Variants in ZNF98 observed in about 807,000 individuals in gnomAD.
ZNF98 encodes zinc finger protein 98, also known as zinc finger protein 739.
ZNF98 carries 8 observed loss-of-function variants against 12.8 expected under a neutral mutation model. The observed-to-expected ratio is 0.63, with a 90% CI of 0.37 to 1.13. The LOEUF (loss-of-function observed/expected upper bound fraction) is 1.13. Among genes scored for constraint, ZNF98 ranks in the 50% most tolerant of loss-of-function variants. ZNF98 has a pLI of 0.01. For missense variants in ZNF98, 379 were observed against 666.1 expected (o/e 0.57, Z 4.74); for synonymous variants, 112 against 223.5 (o/e 0.50, Z 4.45).
At chr19:22,394,296 G>C (rs892355969) in intron 3 of ZNF98, among the ~76,000 whole-genome samples, 1 of 150,060 alleles carries the variant, frequency 6.7e-6, no homozygotes. Flanking sequence ...CAAGGATCTA[G>C]AACTAGAAAT....
intron 1 of ZNF98, among the ~76,000 whole-genome samples, chr19:22,415,787 AAAAAT>A (rs1025608362): frequency 5.3e-5 from 8 of 151,840 alleles, no homozygotes; most frequent in East Asian, 1.9e-4. Flanking sequence ...ACCTGTCTTC[AAAAAT>A]AAAATAAAAT....
chr19:22,400,778 C>T (rs918117676), intron 3 of ZNF98, among the ~76,000 whole-genome samples: 2 of 151,242 alleles, frequency 1.3e-5, no homozygotes, highest in Admixed American at 6.6e-5. Context: ...CATGGTGAAA[C>T]CCCATCTCTA....
At chr19:22,393,020 G>T in intron 3 of ZNF98, 39 bp from the exon 4 acceptor site, 1 of 1,436,080 alleles carries the variant, frequency 7.0e-7, no homozygotes, top group South Asian at 1.7e-5. Flanking sequence ...TCACTTACTA[G>T]ACTCAGATGA....
intron 3 of ZNF98, among the ~76,000 whole-genome samples, chr19:22,401,628 C>T (rs901492990): frequency 1.6e-4 from 25 of 151,534 alleles, no homozygotes; most frequent in Non-Finnish European, 2.8e-4. Flanking sequence ...GAATTACAGG[C>T]GCCTGTCACC....
At chr19:22,405,107 G>T (rs553021724) in intron 1 of ZNF98, among the ~76,000 whole-genome samples, 1 of 152,152 alleles carries the variant, frequency 6.6e-6, no homozygotes, top group South Asian at 2.1e-4. Flanking sequence ...ATATAGGAAA[G>T]AAATATTTTT....
intron 1 of ZNF98, among the ~76,000 whole-genome samples, chr19:22,416,205 T>C (rs927805123): frequency 9.9e-5 from 15 of 151,168 alleles, no homozygotes. Context: ...GCGTGGTGGC[T>C]CACACCTGTA....
rs768987284 is a variant in ZNF98 at position 22,392,074 on chromosome 19, A to G, written c.1161T>C (p.Phe387=). ...GTGTAGTAAGGGTTGAGGATTGTTT[A>G]AAAGCTTTGCCACATTCTTCACACT... ...PYKCEECGKA[F]KQSSTLTTHK... The change falls in exon 4 of 4, where the codon TTT becomes TTC. Residue 387 remains phenylalanine, a synonymous_variant. Coordinates refer to ENST00000357774, the MANE Select transcript of ZNF98 (RefSeq NM_001098626.2). 2.5e-6 allele frequency: 4 copies of G among 1,579,292 alleles called. No individual in the cohort carries two copies. Among genetic ancestry groups the G allele is most frequent in the Non-Finnish European group, 3.4e-6 (4 of 1,164,134 alleles).
intron 3 of ZNF98, among the ~76,000 whole-genome samples, chr19:22,394,746 A>G (rs1004282909): frequency 2.6e-5 from 4 of 152,148 alleles, no homozygotes; most frequent in African/African-American, 9.7e-5. Context: ...TACCTATGTA[A>G]CATAACTGCA....
Position 22,419,462 on chromosome 19 carries a change from C to G in ZNF98, c.30+2733G>C, listed in dbSNP as rs1969680709. ...AAAAACTAATTGGGCCGTTAATAAC[C>G]TTCTTTTGTAGGCTCAATATTAATT... On this transcript the variant is annotated intron_variant, in intron 1 of 3. Transcript: ENST00000357774. 3.3e-5 allele frequency among the ~76,000 whole-genome samples: 5 copies of G among 152,212 alleles called. No individual in the cohort carries two copies. In the South Asian group the frequency reaches 1.0e-3, roughly 32 times the overall value.
chr19:22,399,387 A>G (rs1394438548), intron 3 of ZNF98, among the ~76,000 whole-genome samples: 1 of 152,206 alleles, frequency 6.6e-6, no homozygotes, highest in Non-Finnish European at 1.5e-5. Context: ...TTTTAAATAT[A>G]TGCTATTCTT....
Position 22,392,921 on chromosome 19 carries a change from T to G in ZNF98, c.314A>C (p.Gln105Pro), listed in dbSNP as rs777353664. The G allele has an allele frequency of 2.6e-5, 41 of 1,585,710 alleles. No individual in the cohort carries two copies. Among genetic ancestry groups the G allele is most frequent in the Non-Finnish European group, 3.3e-5 (39 of 1,170,748 alleles). Residue 105 changes from glutamine (Q) to proline (P), a missense_variant, in exon 4 of 4, where the codon CAA (glutamine) becomes CCA (proline). Physicochemically the swap from Gln to Pro is moderately conservative, Grantham distance 76. Coordinates refer to ENST00000357774, the MANE Select transcript of ZNF98 (RefSeq NM_001098626.2). ...WPKQGKKNYF[Q>P]KVILRTYKKC... ...TTTATATGTTCTCAGTATCACTTTT[T>G]GGAAATAATTTTTTTTGCCCTGCTT... is the stretch of plus-strand genomic sequence containing the variant.
At position 22,392,425 on chromosome 19, in the gene ZNF98, C is replaced by T. The variant is rs1331878250; in HGVS notation, c.810G>A (p.Glu270=). The T allele has an allele frequency of 6.6e-7, 1 of 1,521,294 alleles. No homozygotes were observed. The highest frequency in any genetic ancestry group is 8.8e-7 in the Non-Finnish European group (1 of 1,136,728). 94.2% of individuals were successfully genotyped at this position (1,521,294 alleles called of 1,614,324 possible). ...HTGKKPYKCE[E]CGKAFNQSAN... ...CAGATTGGTTAAAAGCTTTGCCACA[C>T]TCCTCACATTTGTAGGGTTTCTTTC... Residue 270 remains glutamate (E), a synonymous_variant, in exon 4 of 4, where the codon GAG becomes GAA. Transcript: ENST00000357774.
intron 1 of ZNF98, among the ~76,000 whole-genome samples, chr19:22,415,075 A>C (rs1325219330): frequency 6.6e-6 from 1 of 152,054 alleles, no homozygotes; most frequent in Non-Finnish European, 1.5e-5. Context: ...AAAAACATGA[A>C]AAAGATTTTT....
At chr19:22,411,180 C>T (rs1326726893) in intron 1 of ZNF98, among the ~76,000 whole-genome samples, 1 of 152,064 alleles carries the variant, frequency 6.6e-6, no homozygotes, top group African/African-American at 2.4e-5. Context: ...GTAGCTGGAA[C>T]TACAGGCATG....
At chr19:22,395,269 A>C (rs1969378664) in intron 3 of ZNF98, among the ~76,000 whole-genome samples, 1 of 151,892 alleles carries the variant, frequency 6.6e-6, no homozygotes. Flanking sequence ...CATCCTAAGA[A>C]CATGTTTGAG....
intron 1 of ZNF98, among the ~76,000 whole-genome samples, chr19:22,416,293 AC>A (rs1446739749): frequency 6.6e-6 from 1 of 150,808 alleles, no homozygotes; most frequent in Non-Finnish European, 1.5e-5. Flanking sequence ...ACACGGTGAA[AC>A]CCCGTCTCTA....
intron 3 of ZNF98, 114 bp downstream of exon 3, chr19:22,402,675 C>CTATT: frequency 8.6e-7 from 1 of 1,165,792 alleles, no homozygotes; most frequent in Non-Finnish European, 1.2e-6. Context: ...TTCCTAGAAA[C>CTATT]TATTTCCTTT....
chr19:22,414,270 A>C (rs1279572534), intron 1 of ZNF98, among the ~76,000 whole-genome samples: 3 of 151,484 alleles, frequency 2.0e-5, no homozygotes, highest in Non-Finnish European at 2.9e-5. Context: ...AGCAAGCAAG[A>C]AAGAAAAGAT....
intron 3 of ZNF98, among the ~76,000 whole-genome samples, chr19:22,401,948 A>G (rs1377338592): frequency 2.4e-4 from 36 of 150,950 alleles, no homozygotes; most frequent in East Asian, 1.8e-3. Context: ...AGGCCAAGGC[A>G]GGCGGATCAC....
Sources: gnomAD v4.1 joint callset for allele counts (sites outside exome capture counted in the v4.1 genomes callset) on GRCh38, gnomAD v4.1.1 for gene constraint, MANE v1.5 for transcripts, NCBI Gene and HGNC (gene_info 2026-07-23, HGNC 2026-07-21) for gene names.